MACROD2: variants seen among roughly 807,000 people sequenced by gnomAD.
MACROD2 encodes the protein ADP-ribose glycohydrolase MACROD2.
A neutral mutation model predicts 70.4 loss-of-function variants in MACROD2; 36 were observed. That is an observed-to-expected ratio of 0.51 (90% CI 0.39 to 0.68). MACROD2 has a LOEUF of 0.68. Among genes scored for constraint, MACROD2 ranks in the 30% least tolerant of loss-of-function variants. The pLI, the probability that MACROD2 is intolerant of heterozygous loss-of-function variation, is 0.00. For missense variants in MACROD2, 496 were observed against 538.4 expected, an observed-to-expected ratio of 0.92 and a Z score of 0.78; for synonymous variants, 172 against 178.8, an observed-to-expected ratio of 0.96 and a Z score of 0.30.
intron 3 of MACROD2, among the ~76,000 whole-genome samples, chr20:14,252,000 A>C (rs1252791529): frequency 6.6e-6 from 1 of 152,044 alleles, no homozygotes; most frequent in Non-Finnish European, 1.5e-5. Flanking sequence ...GTAAGCAATA[A>C]TATCTGTAAA....
intron 3 of MACROD2, among the ~76,000 whole-genome samples, chr20:14,429,111 T>G (rs939023704): frequency 6.6e-6 from 1 of 152,214 alleles, no homozygotes; most frequent in Non-Finnish European, 1.5e-5. Context: ...CAGCTTAACC[T>G]TCACAAACTG....
In MACROD2 at chr20:15,183,368, CAATAA is replaced by C. The variant is rs200530026; in HGVS notation, c.419-46552_419-46548del. ...TGGGCAACATAATGAGATGCCATCT[CAATAA>C]AATAAAATAAAATAAAATAGTTAGG... On this transcript the variant is annotated intron_variant, in intron 5 of 17. Coordinates refer to ENST00000684519, the MANE Select transcript of MACROD2 (RefSeq NM_001351661.2). Among the ~76,000 whole-genome samples, 262 of 151,676 alleles carry C rather than the reference CAATAA, an allele frequency of 1.7e-3. 1 individual carries two copies. Among genetic ancestry groups the C allele is most frequent in the African/African-American group, 3.6e-3 (148 of 41,302 alleles).
intron 8 of MACROD2, among the ~76,000 whole-genome samples, chr20:15,780,405 G>A (rs930202537): frequency 4.6e-5 from 7 of 152,022 alleles, no homozygotes; most frequent in African/African-American, 1.4e-4. Context: ...GGAGAACAAA[G>A]GAAGAAGACT....
Position 14,230,654 on chromosome 20 carries a change from T to TATATATATATAAAA in MACROD2, c.271+144927_271+144928insTATATATATAAAAA. On this transcript the variant is annotated intron_variant, in intron 3 of 17. Coordinates refer to ENST00000684519, the MANE Select transcript of MACROD2 (RefSeq NM_001351661.2). ...GTTTATATATATATATATATATATA[T>TATATATATATAAAA]AACACAGGCTGGGCCTATATATATA... 5.4e-5 allele frequency among the ~76,000 whole-genome samples: 4 copies of TATATATATATAAAA among 74,240 alleles called. 1 individual carries two copies. The highest frequency in any genetic ancestry group is 5.8e-4 in the East Asian group (1 of 1,726). The allele number at this position is 74,240 out of a possible 152,430, so 48.7% of individuals were successfully genotyped here.
At chr20:14,965,594 G>A (rs1301200185) in intron 5 of MACROD2, among the ~76,000 whole-genome samples, 1 of 148,982 alleles carries the variant, frequency 6.7e-6, no homozygotes, top group African/African-American at 2.5e-5. Flanking sequence ...CCTAGTAACT[G>A]GGGCTATAGG....
chr20:15,821,146 C>T (rs151335030), intron 8 of MACROD2, among the ~76,000 whole-genome samples: 277 of 152,248 alleles, frequency 1.8e-3, no homozygotes, highest in African/African-American at 6.4e-3. Flanking sequence ...TTCAGTTCTT[C>T]TCCTTTATAG....
intron 2 of MACROD2, chr20:14,051,855 G>A (rs1158796801): frequency 6.0e-6 from 3 of 502,518 alleles, no homozygotes; most frequent in African/African-American, 1.9e-5. Context: ...GTGAGGAGAT[G>A]GATATGATCC....
chr20:14,273,817 C>T (rs1256827602), intron 3 of MACROD2, among the ~76,000 whole-genome samples: 1 of 151,264 alleles, frequency 6.6e-6, no homozygotes, highest in Admixed American at 6.6e-5. Flanking sequence ...GGGGATATCA[C>T]CACCGATCCC....
intron 5 of MACROD2, among the ~76,000 whole-genome samples, chr20:14,861,281 C>T (rs1246308159): frequency 1.3e-5 from 2 of 151,972 alleles, no homozygotes; most frequent in African/African-American, 4.8e-5. Context: ...TCTAGAGCCT[C>T]GGAGGAAGGG....
chr20:14,113,630 C>G (rs1029593670), intron 3 of MACROD2, among the ~76,000 whole-genome samples: 8 of 152,038 alleles, frequency 5.3e-5, no homozygotes, highest in Non-Finnish European at 8.8e-5. Context: ...TTTCACTGAT[C>G]GCTAATCCAG....
intron 5 of MACROD2, among the ~76,000 whole-genome samples, chr20:14,942,563 T>G (rs2122710947): frequency 6.6e-6 from 1 of 152,338 alleles, no homozygotes; most frequent in East Asian, 1.9e-4. Context: ...AAAATATTCT[T>G]TCTTTCAGGA....
At chr20:15,302,833 T>C (rs1019218506) in intron 6 of MACROD2, among the ~76,000 whole-genome samples, 1 of 152,222 alleles carries the variant, frequency 6.6e-6, no homozygotes, top group Non-Finnish European at 1.5e-5. Context: ...ACCTGGTGCA[T>C]TTCCTCAACT....
intron 3 of MACROD2, among the ~76,000 whole-genome samples, chr20:14,253,008 A>G (rs1019651960): frequency 1.3e-5 from 2 of 152,048 alleles, no homozygotes; most frequent in Non-Finnish European, 1.5e-5. Flanking sequence ...GTTTTACAGT[A>G]TGGTATGAAC....
intron 8 of MACROD2, among the ~76,000 whole-genome samples, chr20:15,765,783 T>C (rs1160168794): frequency 2.0e-5 from 3 of 152,066 alleles, no homozygotes; most frequent in Admixed American, 6.6e-5. Context: ...ATTGGTGAGA[T>C]AGACAGATAA....
chr20:15,755,059 A>G (rs1254974797), intron 8 of MACROD2, among the ~76,000 whole-genome samples: 2 of 152,144 alleles, frequency 1.3e-5, no homozygotes, highest in African/African-American at 4.8e-5. Flanking sequence ...AGGTTTCGCC[A>G]TGTTGGCCGG....
At chr20:14,873,771 A>C (rs1181011201) in intron 5 of MACROD2, among the ~76,000 whole-genome samples, 1 of 152,134 alleles carries the variant, frequency 6.6e-6, no homozygotes, top group East Asian at 1.9e-4. Context: ...ATGCAGGAGA[A>C]TCGCTTGAAC....
intron 5 of MACROD2, among the ~76,000 whole-genome samples, chr20:15,193,215 A>G (rs933137306): frequency 3.9e-5 from 6 of 152,152 alleles, no homozygotes; most frequent in Admixed American, 2.6e-4. Flanking sequence ...GTCTATAGAA[A>G]TATGTATTAG....
chr20:14,618,110 T>C (rs1983586229), intron 4 of MACROD2, among the ~76,000 whole-genome samples: 1 of 1,222 alleles, frequency 8.2e-4, no homozygotes, highest in African/African-American at 2.7e-3. Context: ...CCAATCCCTA[T>C]GAATTTTTTT....
At chr20:15,576,552 G>GTTT (rs11473854) in intron 8 of MACROD2, among the ~76,000 whole-genome samples, 36,577 of 145,592 alleles carry the variant, frequency 0.25, 4,708 homozygotes, top group Middle Eastern at 0.4. Flanking sequence ...TGCACAAAAT[G>GTTT]TTTTTTTTTT....
Sources: allele counts gnomAD v4.1 joint callset (sites outside exome capture counted in the v4.1 genomes callset), GRCh38; gene constraint gnomAD v4.1.1; transcripts MANE v1.5; gene names NCBI Gene and HGNC (gene_info 2026-07-23, HGNC 2026-07-21).